Variants in PCDHGA5 observed in about 807,000 individuals in gnomAD.
PCDHGA5 encodes protocadherin gamma subfamily A, 5, also known as protocadherin gamma-A5.
In PCDHGA5, 36 loss-of-function variants were observed where a neutral mutation model predicts 56.7. The ratio of observed to expected loss-of-function variants is 0.64; its 90% CI spans 0.49 to 0.84. The LOEUF is 0.84. Ranked by LOEUF, PCDHGA5 falls within the 40% of genes least tolerant of loss-of-function variation. The pLI is 0.00. For missense variants in PCDHGA5, 1,305 were observed against 1,201.5 expected, an observed-to-expected ratio of 1.09 and a Z score of -1.27; for synonymous variants, 563 against 520.2, an observed-to-expected ratio of 1.08 and a Z score of -1.12.
At chr5:141,403,092 A>C in intron 1 of PCDHGA5, 4 of 1,614,086 alleles carry the variant, frequency 2.5e-6, no homozygotes, top group Non-Finnish European at 3.4e-6. Flanking sequence ...ATTGTGGGCA[A>C]CATCTCCAAG....
chr5:141,408,839 A>T (rs1296339131), intron 1 of PCDHGA5: 24 of 1,613,642 alleles, frequency 1.5e-5, no homozygotes, highest in Non-Finnish European at 2.0e-5. Context: ...CTTGATATTG[A>T]CTGCCTTGGA....
intron 1 of PCDHGA5, among the ~76,000 whole-genome samples, chr5:141,443,376 T>C (rs1365277469): frequency 6.6e-6 from 1 of 151,990 alleles, no homozygotes; most frequent in Admixed American, 6.6e-5. Flanking sequence ...TCTCAGCTAC[T>C]TGGGAGGCTG....
intron 1 of PCDHGA5, chr5:141,420,927 G>A (rs1257204379): frequency 2.8e-6 from 1 of 362,530 alleles, no homozygotes; most frequent in Non-Finnish European, 5.0e-6. Context: ...ACAAAGGTGA[G>A]CGTAATCATT....
At chr5:141,392,728 G>A in intron 1 of PCDHGA5, 3 of 1,407,730 alleles carry the variant, frequency 2.1e-6, no homozygotes, top group Non-Finnish European at 2.8e-6. Flanking sequence ...CCGGAGGATT[G>A]TCATCTCCAT....
intron 1 of PCDHGA5, among the ~76,000 whole-genome samples, chr5:141,482,207 G>T (rs983812650): frequency 6.6e-6 from 1 of 152,130 alleles, no homozygotes; most frequent in East Asian, 1.9e-4. Flanking sequence ...AAACAGACCA[G>T]GTACTTGTTT....
At chr5:141,474,016 G>A (rs1286684019) in intron 1 of PCDHGA5, among the ~76,000 whole-genome samples, 1 of 152,128 alleles carries the variant, frequency 6.6e-6, no homozygotes, top group Non-Finnish European at 1.5e-5. Context: ...GTTACAGTGA[G>A]CTATGATTAT....
intron 1 of PCDHGA5, chr5:141,405,594 C>G: frequency 1.7e-6 from 1 of 578,834 alleles, no homozygotes; most frequent in Non-Finnish European, 3.0e-6. Context: ...ACAGGCCTCC[C>G]AAGTAGAATA....
chr5:141,510,916 G>C (rs1044988697), intron 3 of PCDHGA5, 31 bp from the exon 4 acceptor site: 2 of 1,613,714 alleles, frequency 1.2e-6, no homozygotes, highest in African/African-American at 1.3e-5. Flanking sequence ...CCTAAGTTTA[G>C]CTCCCACCTG....
At chr5:141,423,758 G>GGGC (rs1554116874) in intron 1 of PCDHGA5, 82 of 366,752 alleles carry the variant, frequency 2.2e-4, no homozygotes, top group Middle Eastern at 4.2e-4. Context: ...TTTGGGGGGG[G>GGGC]GGTGGGGCGG....
intron 1 of PCDHGA5, chr5:141,383,504 G>T (rs373658496): frequency 6.2e-7 from 1 of 1,612,766 alleles, no homozygotes; most frequent in South Asian, 1.1e-5. Context: ...GTGCTGGACC[G>T]GGAGGAAGAG....
chr5:141,387,947 G>C (rs1240846942), intron 1 of PCDHGA5: 25 of 1,484,496 alleles, frequency 1.7e-5, no homozygotes, highest in Non-Finnish European at 2.2e-5. Context: ...TTCTCTTCCT[G>C]CTGTCTTTGT....
In PCDHGA5 at chr5:141,487,456, G is replaced by A. The variant is rs1041154635; in HGVS notation, c.2422-7351G>A. Reference sequence around the variant, plus strand: ...AGCTAGGGTCAGATGACCCTATCAAGTTTGTTGATGTGGGAGGCCACTCTC... The same window carrying A: ...AGCTAGGGTCAGATGACCCTATCAAATTTGTTGATGTGGGAGGCCACTCTC... On this transcript the variant is annotated intron_variant, in intron 1 of 3. Coordinates refer to ENST00000518069, the MANE Select transcript of PCDHGA5 (RefSeq NM_018918.3). The surrounding 1 kb of genome is among the most constrained non-coding windows in gnomAD (Gnocchi z 5.0). 6.2e-7 allele frequency: 1 copy of A among 1,614,196 alleles called. No individual in the cohort carries two copies. The highest frequency in any genetic ancestry group is 8.5e-7 in the Non-Finnish European group (1 of 1,180,026).
intron 1 of PCDHGA5, chr5:141,375,109 T>C (rs199796645): frequency 4.0e-5 from 65 of 1,613,834 alleles, no homozygotes; most frequent in Non-Finnish European, 5.3e-5. Flanking sequence ...ATGTCAATGA[T>C]AATGTACCAG....
At chr5:141,382,657 C>T (rs1385150684) in intron 1 of PCDHGA5, 5 of 416,908 alleles carry the variant, frequency 1.2e-5, no homozygotes, top group Non-Finnish European at 2.1e-5. Flanking sequence ...AGTAAGGACT[C>T]ACAGCGCCGC....
At chr5:141,369,393 A>G (rs113516317) in intron 1 of PCDHGA5, among the ~76,000 whole-genome samples, 5 of 152,198 alleles carry the variant, frequency 3.3e-5, no homozygotes, top group Non-Finnish European at 7.4e-5. Context: ...CATTTGGGCC[A>G]GGGTGGTTCA....
intron 1 of PCDHGA5, among the ~76,000 whole-genome samples, chr5:141,443,085 G>A (rs991288098): frequency 3.9e-5 from 6 of 151,916 alleles, no homozygotes; most frequent in Admixed American, 2.6e-4. Flanking sequence ...GAGTGTTCCA[G>A]TCTCCTTCTC....
intron 1 of PCDHGA5, chr5:141,394,192 A>G: frequency 1.9e-6 from 3 of 1,613,840 alleles, no homozygotes; most frequent in East Asian, 2.2e-5. Flanking sequence ...TACTCAGCGT[A>G]TATCCTAGAG....
At chr5:141,479,476 G>A (rs1481785254) in intron 1 of PCDHGA5, 1 of 152,250 alleles carries the variant, frequency 6.6e-6, no homozygotes, top group African/African-American at 2.4e-5. Context: ...CCTCTTGGGA[G>A]GGCAGGACCA....
intron 1 of PCDHGA5, chr5:141,371,144 T>C: frequency 6.2e-7 from 1 of 1,614,014 alleles, no homozygotes; most frequent in Non-Finnish European, 8.5e-7. Flanking sequence ...ACAGGGTCAA[T>C]GTTGCAGAGA....
Sources: allele counts gnomAD v4.1 joint callset (sites outside exome capture counted in the v4.1 genomes callset), GRCh38; gene constraint gnomAD v4.1.1; non-coding constraint Gnocchi (gnomAD v3.1); transcripts MANE v1.5; gene names NCBI Gene and HGNC (gene_info 2026-07-23, HGNC 2026-07-21).